Variants in MRTFA observed in about 807,000 individuals in gnomAD.
MRTFA encodes myocardin-related transcription factor A.
A neutral mutation model predicts 83.5 loss-of-function variants in MRTFA; 20 were observed. The ratio of observed to expected loss-of-function variants is 0.24; its 90% CI spans 0.17 to 0.35. MRTFA has a LOEUF of 0.35. Among genes scored for constraint, MRTFA ranks in the 10% least tolerant of loss-of-function variants. The pLI is 1.00. For synonymous variants in MRTFA, 659 were observed against 541.2 expected (o/e 1.22, Z -3.02); for missense variants, 1,200 against 1,224.7 (o/e 0.98, Z 0.30).
intron 3 of MRTFA, among the ~76,000 whole-genome samples, chr22:40,472,475 A>C (rs763808911): frequency 5.9e-5 from 9 of 152,192 alleles, no homozygotes; most frequent in Non-Finnish European, 1.0e-4. Flanking sequence ...ACAATGATTC[A>C]GTTTTTAAGT....
intron 7 of MRTFA, among the ~76,000 whole-genome samples, chr22:40,425,582 G>A (rs1055481151): frequency 6.6e-5 from 10 of 152,194 alleles, no homozygotes; most frequent in African/African-American, 1.7e-4. Context: ...CCTTACTGGC[G>A]ACTGTGGTGG....
chr22:40,609,272 CAG>C (rs2056355682), intron 1 of MRTFA, among the ~76,000 whole-genome samples: 1 of 141,758 alleles, frequency 7.1e-6, no homozygotes, highest in Admixed American at 7.3e-5. Flanking sequence ...GCCTGGGTGA[CAG>C]AGCAAGACTC....
In MRTFA at chr22:40,417,335, C is replaced by T. The variant is rs2052703665; in HGVS notation, c.2517+6G>A. On this transcript the variant is annotated splice_donor_region_variant and intron_variant, in intron 13 of 14. Transcript: ENST00000355630. ...ACACTAGCCAGGCCTAGCCCGCCTT[C>T]CTCACCTGCTGTTTGGGCTGCTGGC... is the stretch of plus-strand genomic sequence containing the variant. 6.2e-7 allele frequency: 1 copy of T among 1,610,256 alleles called. No homozygotes were observed. The highest frequency in any genetic ancestry group is 8.5e-7 in the Non-Finnish European group (1 of 1,179,268).
intron 4 of MRTFA, among the ~76,000 whole-genome samples, chr22:40,453,728 TA>T (rs957726227): frequency 9.7e-4 from 144 of 148,526 alleles, no homozygotes; most frequent in Middle Eastern, 3.4e-3. Flanking sequence ...CAATTTTAGT[TA>T]AAAAAAAAAA....
intron 3 of MRTFA, among the ~76,000 whole-genome samples, chr22:40,527,758 T>TAAAA (rs56235942): frequency 1.0e-5 from 1 of 100,094 alleles, no homozygotes; most frequent in African/African-American, 3.8e-5. Context: ...GACTCCATCT[T>TAAAA]AAAAAAAAAA....
intron 2 of MRTFA, among the ~76,000 whole-genome samples, chr22:40,593,099 A>T (rs2056144768): frequency 6.6e-6 from 1 of 152,084 alleles, no homozygotes. Flanking sequence ...CAACTTCCCA[A>T]AACAGCACAG....
intron 3 of MRTFA, among the ~76,000 whole-genome samples, chr22:40,519,108 C>A (rs1193007745): frequency 3.3e-5 from 5 of 151,336 alleles, no homozygotes; most frequent in Non-Finnish European, 7.4e-5. Flanking sequence ...GCCTCCCGGT[C>A]TCAAGGGATG....
At chr22:40,480,975 TA>T (rs977893321) in intron 3 of MRTFA, among the ~76,000 whole-genome samples, 5 of 151,918 alleles carry the variant, frequency 3.3e-5, no homozygotes, top group Admixed American at 6.6e-5. Context: ...AATAATTTTT[TA>T]AAAAAATTAG....
At chr22:40,616,009 TAA>T (rs1021624789) in intron 1 of MRTFA, among the ~76,000 whole-genome samples, 8 of 152,182 alleles carry the variant, frequency 5.3e-5, no homozygotes, top group Non-Finnish European at 2.9e-5. Context: ...ATTATTTCAT[TAA>T]GTTTATTATT....
chr22:40,462,376 A>T (rs2053730466), intron 4 of MRTFA, among the ~76,000 whole-genome samples: 1 of 152,260 alleles, frequency 6.6e-6, no homozygotes, highest in Non-Finnish European at 1.5e-5. Context: ...AAAATATGGT[A>T]GCAGTCAGCC....
rs1040532215 is a variant in MRTFA, at chr22:40,434,209, C to T, written c.363+1290G>A. On this transcript the variant is annotated intron_variant, in intron 5 of 14. Transcript: ENST00000355630. ...GTGCCCAGTCTTCTGACCGAATAGG[C>T]GCACAGGCAACGCCATCCTTTCCCC... Among the ~76,000 whole-genome samples the T allele has an allele frequency of 3.3e-5, 5 of 152,096 alleles. No individual in the cohort carries two copies. The East Asian group carries it at 5.8e-4, about 18-fold the overall frequency.
chr22:40,448,008 T>C (rs1221790969), intron 4 of MRTFA, among the ~76,000 whole-genome samples: 1 of 152,008 alleles, frequency 6.6e-6, no homozygotes, highest in Non-Finnish European at 1.5e-5. Flanking sequence ...CGAGACCCCA[T>C]CTCTACAAAA....
At chr22:40,607,018 T>G (rs2056325610) in intron 1 of MRTFA, among the ~76,000 whole-genome samples, 1 of 152,188 alleles carries the variant, frequency 6.6e-6, no homozygotes, top group Non-Finnish European at 1.5e-5. Context: ...TCAAGTAAGA[T>G]AGCATACATG....
chr22:40,609,756 G>C (rs190310037), intron 1 of MRTFA, among the ~76,000 whole-genome samples: 2 of 151,932 alleles, frequency 1.3e-5, no homozygotes, highest in Admixed American at 6.6e-5. Context: ...GCTTGAACCC[G>C]GGCAGCGGAG....
intron 3 of MRTFA, among the ~76,000 whole-genome samples, chr22:40,499,584 CCTT>C (rs778336264): frequency 3.3e-5 from 5 of 152,242 alleles, no homozygotes; most frequent in African/African-American, 4.8e-5. Flanking sequence ...TTTAATACCT[CCTT>C]ATCTGTGAAA....
intron 3 of MRTFA, among the ~76,000 whole-genome samples, chr22:40,487,186 G>A (rs2054187502): frequency 6.6e-6 from 1 of 152,176 alleles, no homozygotes; most frequent in South Asian, 2.1e-4. Context: ...CAGCCTTGGT[G>A]AGTACAGCCT....
intron 2 of MRTFA, among the ~76,000 whole-genome samples, chr22:40,563,196 G>A (rs2147332198): frequency 6.6e-6 from 1 of 152,108 alleles, no homozygotes; most frequent in Admixed American, 6.5e-5. Flanking sequence ...TACTGTGACT[G>A]CCTAGAATTG....
At chr22:40,465,595 C>G (rs531155502) in intron 3 of MRTFA, among the ~76,000 whole-genome samples, 150 of 152,316 alleles carry the variant, frequency 9.8e-4, no homozygotes, top group African/African-American at 3.3e-3. Flanking sequence ...AGGTCTCACT[C>G]TGTCACCCAG....
chr22:40,603,264 A>C (rs1404945657), intron 1 of MRTFA, among the ~76,000 whole-genome samples: 1 of 152,174 alleles, frequency 6.6e-6, no homozygotes, highest in African/African-American at 2.4e-5. Context: ...TCACCCATAA[A>C]GAACTACAGG....
Sources: gnomAD v4.1 joint callset for allele counts (sites outside exome capture counted in the v4.1 genomes callset) on GRCh38, gnomAD v4.1.1 for gene constraint, MANE v1.5 for transcripts, NCBI Gene and HGNC (gene_info 2026-07-23, HGNC 2026-07-21) for gene names.